Variants in BTBD9 observed in about 807,000 individuals in gnomAD.
The protein encoded by BTBD9 is BTB/POZ domain-containing protein 9.
A neutral mutation model predicts 64.3 loss-of-function variants in BTBD9; 49 were observed. The observed-to-expected ratio is 0.76, with a 90% CI of 0.61 to 0.97. The LOEUF (loss-of-function observed/expected upper bound fraction) is 0.97. Among genes scored for constraint, BTBD9 ranks in the 50% least tolerant of loss-of-function variants. The probability of loss-of-function intolerance (pLI) is 0.00; values close to 1 mark genes in which losing one functional copy is unlikely to be tolerated. For missense variants in BTBD9, 598 were observed against 762.1 expected (o/e 0.78, Z 2.53); for synonymous variants, 260 against 274.7 (o/e 0.95, Z 0.53).
chr6:38,505,971 A>C (rs1256998665), intron 6 of BTBD9, among the ~76,000 whole-genome samples: 22 of 149,550 alleles, frequency 1.5e-4, no homozygotes, highest in African/African-American at 4.2e-4. Context: ...CAACAAAAAA[A>C]AAAAAAAAAA....
intron 1 of BTBD9, among the ~76,000 whole-genome samples, chr6:38,608,143 A>G (rs1777491994): frequency 6.6e-6 from 1 of 152,102 alleles, no homozygotes; most frequent in Non-Finnish European, 1.5e-5. Context: ...ATGACTCCCT[A>G]TAAGGCAATC....
chr6:38,298,812 C>A (rs1261354800), intron 7 of BTBD9, among the ~76,000 whole-genome samples: 1 of 151,900 alleles, frequency 6.6e-6, no homozygotes, highest in Non-Finnish European at 1.5e-5. Flanking sequence ...AACATAATGA[C>A]CTCCAGTTCC....
chr6:38,594,180 C>T lies in BTBD9; in HGVS notation c.333G>A (p.Leu111=). ...ATTTATGAGCCAGGCTCAAAAAGTC[C>T]AGCAGCACCTCCTCCTTCTCATCTG... is the stretch of plus-strand genomic sequence containing the variant. ...TLTDEKEEVL[L]DFLSLAHKYG... The change falls in exon 3 of 11, where the codon CTG becomes CTA. Residue 111 remains leucine (L), a synonymous_variant. Transcript: ENST00000481247. The T allele has an allele frequency of 1.2e-6, 2 of 1,614,146 alleles. No individual in the cohort carries two copies. Among genetic ancestry groups the T allele is most frequent in the Admixed American group, 1.7e-5 (1 of 60,024 alleles).
intron 1 of BTBD9, among the ~76,000 whole-genome samples, chr6:38,619,111 T>C (rs1232876863): frequency 1.3e-5 from 2 of 152,160 alleles, no homozygotes; most frequent in East Asian, 1.9e-4. Context: ...TGAGTGGCTA[T>C]GGGAGGACTT....
chr6:38,429,344 A>C (rs1768331138), intron 6 of BTBD9, among the ~76,000 whole-genome samples: 1 of 150,948 alleles, frequency 6.6e-6, no homozygotes, highest in Admixed American at 6.6e-5. Flanking sequence ...AATCCCAGCT[A>C]CTCGGGAGGC....
chr6:38,329,669 T>C (rs1009585798), intron 7 of BTBD9, among the ~76,000 whole-genome samples: 1 of 152,122 alleles, frequency 6.6e-6, no homozygotes, highest in African/African-American at 2.4e-5. Context: ...ATAAAACATG[T>C]ACTGGCTGGG....
chr6:38,327,141 T>C (rs1763470304), intron 7 of BTBD9, among the ~76,000 whole-genome samples: 1 of 152,104 alleles, frequency 6.6e-6, no homozygotes, highest in Non-Finnish European at 1.5e-5. Context: ...GATTTTTAAG[T>C]ATATTTCCCT....
intron 6 of BTBD9, among the ~76,000 whole-genome samples, chr6:38,466,283 CTTTTT>C (rs67769669): frequency 4.5e-5 from 2 of 44,068 alleles, no homozygotes; most frequent in South Asian, 1.0e-3. Context: ...CTTCCTTTTC[CTTTTT>C]TTTTTTTTTT....
intron 6 of BTBD9, among the ~76,000 whole-genome samples, chr6:38,386,980 G>A (rs1447211202): frequency 6.6e-6 from 1 of 151,886 alleles, no homozygotes; most frequent in Non-Finnish European, 1.5e-5. Context: ...CCTCTGTGTT[G>A]GTAATATTAC....
At chr6:38,190,963 A>G (rs1762051430) in intron 10 of BTBD9, among the ~76,000 whole-genome samples, 1 of 152,220 alleles carries the variant, frequency 6.6e-6, no homozygotes, top group African/African-American at 2.4e-5. Flanking sequence ...AAACTAGTCT[A>G]AAATTTTTGG....
rs548360440 is a variant in BTBD9 at position 38,284,761 on chromosome 6, T to C, written c.1454+3511A>G. On this transcript the variant is annotated intron_variant, in intron 8 of 10. Coordinates refer to ENST00000481247, the MANE Select transcript of BTBD9 (RefSeq NM_001099272.2). ...TACTGAAGAGGGATCTATCAATAAGTTCAGGAGATAATGGACGGTTAGAGA... is the reference window on the plus strand; with the variant it reads ...TACTGAAGAGGGATCTATCAATAAGCTCAGGAGATAATGGACGGTTAGAGA... Among the ~76,000 whole-genome samples the C allele has an allele frequency of 9.2e-5, 14 of 152,222 alleles. No homozygotes were observed. In the South Asian group the frequency reaches 2.5e-3, roughly 27 times the overall value.
chr6:38,375,891 A>AAAAGAAAGAAAGAAAGAAAGAAAG (rs70981544), intron 6 of BTBD9, among the ~76,000 whole-genome samples: 34 of 122,260 alleles, frequency 2.8e-4, no homozygotes, highest in East Asian at 4.6e-4. Flanking sequence ...AGAAAGAAAG[A>AAAAGAAAGAAAGAAAGAAAGAAAG]AAAGAAAGAA....
intron 8 of BTBD9, among the ~76,000 whole-genome samples, chr6:38,258,995 C>T (rs915672245): frequency 6.6e-5 from 10 of 152,164 alleles, no homozygotes; most frequent in Non-Finnish European, 8.8e-5. Flanking sequence ...CTGTACAATT[C>T]GTCTTATTAA....
At chr6:38,464,936 A>T (rs1770276548) in intron 6 of BTBD9, among the ~76,000 whole-genome samples, 1 of 152,136 alleles carries the variant, frequency 6.6e-6, no homozygotes, top group Non-Finnish European at 1.5e-5. Context: ...TTTATTCCTT[A>T]AATGTTTAGC....
chr6:38,438,370 A>G (rs1366324021), intron 6 of BTBD9, among the ~76,000 whole-genome samples: 1 of 152,226 alleles, frequency 6.6e-6, no homozygotes, highest in Non-Finnish European at 1.5e-5. Context: ...AAACCGTTGA[A>G]GTGGAGAAAT....
intron 6 of BTBD9, among the ~76,000 whole-genome samples, chr6:38,444,691 G>A (rs758145939): frequency 4.6e-5 from 7 of 152,052 alleles, no homozygotes; most frequent in Non-Finnish European, 1.0e-4. Flanking sequence ...TCATAGGGCT[G>A]CTATGAGGAT....
intron 9 of BTBD9, 144 bp downstream of exon 9, chr6:38,256,265 T>G: frequency 1.6e-6 from 1 of 617,564 alleles, no homozygotes; most frequent in Non-Finnish European, 2.9e-6. Context: ...TAGTCAAAAC[T>G]GAAGAGAAGA....
chr6:38,629,247 T>A (rs1778281047), intron 1 of BTBD9, among the ~76,000 whole-genome samples: 1 of 152,136 alleles, frequency 6.6e-6, no homozygotes, highest in Non-Finnish European at 1.5e-5. Flanking sequence ...CTAAAACTAG[T>A]CGGTGAAAGT....
chr6:38,587,325 G>T, intron 4 of BTBD9: 1 of 440,632 alleles, frequency 2.3e-6, no homozygotes, highest in South Asian at 2.0e-5. Flanking sequence ...AGTCCACCAT[G>T]AACAGACAGT....
Sources: gnomAD v4.1 joint callset for allele counts (sites outside exome capture counted in the v4.1 genomes callset) on GRCh38, gnomAD v4.1.1 for gene constraint, MANE v1.5 for transcripts, NCBI Gene and HGNC (gene_info 2026-07-23, HGNC 2026-07-21) for gene names.